TEX14: variants seen among roughly 807,000 people sequenced by gnomAD.
The protein encoded by TEX14 is inactive serine/threonine-protein kinase TEX14.
TEX14 carries 168 observed loss-of-function variants against 178.6 expected under a neutral mutation model. That is an observed-to-expected ratio of 0.94 (90% CI 0.83 to 1.07). The LOEUF is 1.07. Among genes scored for constraint, TEX14 ranks in the 50% least tolerant of loss-of-function variants. The pLI, the probability that TEX14 is intolerant of heterozygous loss-of-function variation, is 0.00. For synonymous variants in TEX14, 626 were observed against 634.1 expected (o/e 0.99, Z 0.19); for missense variants, 1,730 against 1,753.6 (o/e 0.99, Z 0.24).
chr17:58,640,028 T>C (rs924156333), intron 2 of TEX14, among the ~76,000 whole-genome samples: 3 of 152,192 alleles, frequency 2.0e-5, no homozygotes, highest in Non-Finnish European at 2.9e-5. Flanking sequence ...TAATAGCTAC[T>C]GGCCAATCAC....
chr17:58,666,081 C>T lies in TEX14; in HGVS notation c.-1-14079G>A, dbSNP rs542407438. ...AAAAAAAATTGGGTGCCATGGCTCA[C>T]GCCTGTAATTCCAGCATTTTAGGAG... On this transcript the variant is annotated intron_variant, in intron 1 of 31. Transcript: ENST00000349033. Among the ~76,000 whole-genome samples the T allele has an allele frequency of 1.9e-4, 28 of 151,322 alleles. 1 individual carries two copies. The South Asian group carries it at 1.9e-3, about 10-fold the overall frequency.
intron 2 of TEX14, chr17:58,631,778 C>A (rs926604768): frequency 1.3e-5 from 2 of 152,148 alleles, no homozygotes; most frequent in East Asian, 1.9e-4. Context: ...GCGTTCTACA[C>A]GTTCAGATAT....
At chr17:58,587,013 C>A (rs2044994208) in intron 17 of TEX14, among the ~76,000 whole-genome samples, 1 of 152,180 alleles carries the variant, frequency 6.6e-6, no homozygotes, top group Non-Finnish European at 1.5e-5. Flanking sequence ...TGACCCTGAA[C>A]TAGAATAAAC....
At chr17:58,627,662 C>A (rs1358287361) in intron 3 of TEX14, among the ~76,000 whole-genome samples, 1 of 150,026 alleles carries the variant, frequency 6.7e-6, no homozygotes, top group Non-Finnish European at 1.5e-5. Context: ...CCCAGCTACT[C>A]GGGAGGATGA....
At chr17:58,584,209 A>G (rs1402512019) in intron 19 of TEX14, among the ~76,000 whole-genome samples, 2 of 152,164 alleles carry the variant, frequency 1.3e-5, no homozygotes, top group African/African-American at 4.8e-5. Context: ...GCTTTGCCCT[A>G]GTTTTGTTTA....
chr17:58,656,280 A>C (rs2143301153), intron 1 of TEX14, among the ~76,000 whole-genome samples: 1 of 152,198 alleles, frequency 6.6e-6, no homozygotes, highest in African/African-American at 2.4e-5. Flanking sequence ...CCCCATCTGT[A>C]CTAAAAATAC....
intron 24 of TEX14, 42 bp from the exon 25 acceptor site, chr17:58,570,526 A>C (rs1168182648): frequency 7.2e-7 from 1 of 1,387,520 alleles, no homozygotes. Flanking sequence ...ATGTGTGTTG[A>C]GCTAAAAAGG....
At chr17:58,574,692 A>AC (rs1485894957) in intron 21 of TEX14, among the ~76,000 whole-genome samples, 12 of 150,464 alleles carry the variant, frequency 8.0e-5, no homozygotes, top group African/African-American at 2.9e-4. Flanking sequence ...AAAAAAAAAA[A>AC]AAAAAAAAAG....
intron 1 of TEX14, among the ~76,000 whole-genome samples, chr17:58,664,620 C>T (rs1297950513): frequency 6.6e-6 from 1 of 152,148 alleles, no homozygotes; most frequent in East Asian, 1.9e-4. Flanking sequence ...GGAAAACAGA[C>T]TTGCCAGACC....
At chr17:58,619,777 G>A (rs754753625) in intron 5 of TEX14, among the ~76,000 whole-genome samples, 1 of 138,700 alleles carries the variant, frequency 7.2e-6, no homozygotes, top group Non-Finnish European at 1.5e-5. Context: ...CTGCCTGGGC[G>A]ACAGAGAAGA....
chr17:58,650,991 C>A (rs2046828186), intron 2 of TEX14, among the ~76,000 whole-genome samples: 1 of 152,152 alleles, frequency 6.6e-6, no homozygotes, highest in African/African-American at 2.4e-5. Context: ...CTGAAAATAG[C>A]AGGTCTGGGT....
intron 1 of TEX14, chr17:58,666,458 C>CAACCAAAA (rs1210748349): frequency 2.7e-5 from 1 of 36,814 alleles, no homozygotes. Flanking sequence ...CCTTCCACGG[C>CAACCAAAA]AAAAAAAAAA....
In TEX14 at chr17:58,569,946, C is replaced by A. The variant is rs1483314164; in HGVS notation, c.3817+439G>T. On this transcript the variant is annotated intron_variant, in intron 25 of 31. Coordinates refer to ENST00000349033, the MANE Select transcript of TEX14 (RefSeq NM_031272.5). The surrounding 1 kb of genome is among the most constrained non-coding windows in gnomAD (Gnocchi z 4.1). ...CAGATAAAAATTTATGTATAAAGAG[C>A]AAAAATTGGAAAATGATATAAATCT... Among the ~76,000 whole-genome samples the A allele has an allele frequency of 1.3e-5, 2 of 151,896 alleles. No individual in the cohort carries two copies. Among genetic ancestry groups the A allele is most frequent in the East Asian group, 3.9e-4 (2 of 5,188 alleles).
intron 1 of TEX14, among the ~76,000 whole-genome samples, chr17:58,653,496 C>A (rs559411910): frequency 7.9e-5 from 12 of 152,182 alleles, no homozygotes; most frequent in African/African-American, 2.9e-4. Flanking sequence ...GGAGGTAGAA[C>A]CTTTAAGATG....
In TEX14 at chr17:58,602,927, G is replaced by T. The variant is rs568848363; in HGVS notation, c.1337-337C>A. Among the ~76,000 whole-genome samples the T allele has an allele frequency of 3.5e-3, 534 of 151,898 alleles. 4 individuals carry two copies. Among genetic ancestry groups the T allele is most frequent in the African/African-American group, 0.012 (510 of 41,440 alleles). On this transcript the variant is annotated intron_variant, in intron 11 of 31. Coordinates refer to ENST00000349033, the MANE Select transcript of TEX14 (RefSeq NM_031272.5). ...CTAAAAATACAAAAATTAGCCAGGC[G>T]TGGTGGCGCACACCTGCAATCCCAG...
chr17:58,645,324 T>C (rs2046679382), intron 2 of TEX14, among the ~76,000 whole-genome samples: 1 of 151,274 alleles, frequency 6.6e-6, no homozygotes, highest in African/African-American at 2.4e-5. Context: ...AAAATTATAT[T>C]GTAGGATTCA....
At chr17:58,679,649 C>G (rs957961867) in intron 1 of TEX14, 7 of 152,176 alleles carry the variant, frequency 4.6e-5, no homozygotes, top group African/African-American at 1.7e-4. Flanking sequence ...CCTGAAAAAT[C>G]CACCTTTAAT....
At chr17:58,679,586 T>G (rs1299556522) in intron 1 of TEX14, 1 of 152,196 alleles carries the variant, frequency 6.6e-6, no homozygotes, top group African/African-American at 2.4e-5. Flanking sequence ...TTTCCCACAT[T>G]TGTAGAAAAC....
intron 28 of TEX14, 54 bp downstream of exon 28, chr17:58,564,815 A>T (rs2044362752): frequency 8.7e-7 from 1 of 1,152,326 alleles, no homozygotes. Flanking sequence ...AAAAAACCTA[A>T]CATAAACTAT....
Sources: allele counts gnomAD v4.1 joint callset (sites outside exome capture counted in the v4.1 genomes callset), GRCh38; gene constraint gnomAD v4.1.1; non-coding constraint Gnocchi (gnomAD v3.1); transcripts MANE v1.5; gene names NCBI Gene and HGNC (gene_info 2026-07-23, HGNC 2026-07-21).